The following RBFOX1 variants were observed in gnomAD, a reference collection of about 807,000 sequenced individuals.
RBFOX1 encodes RNA binding fox-1 homolog 1.
A neutral mutation model predicts 57.7 loss-of-function variants in RBFOX1; 8 were observed. The observed-to-expected ratio is 0.14, with a 90% CI of 0.08 to 0.25. The LOEUF is 0.25. Ranked by LOEUF, RBFOX1 falls within the 10% of genes least tolerant of loss-of-function variation. The pLI is 1.00. For missense variants in RBFOX1, 611 were observed against 548.5 expected (o/e 1.11, Z -1.14); for synonymous variants, 326 against 222.4 (o/e 1.47, Z -4.15).
intron 1 of RBFOX1, among the ~76,000 whole-genome samples, chr16:6,058,278 C>T (rs2095639036): frequency 1.3e-5 from 2 of 151,434 alleles, no homozygotes; most frequent in Non-Finnish European, 2.9e-5. Flanking sequence ...CCTTCCTTTC[C>T]TCCTTCTTTC....
chr16:5,538,748 T>G (rs1014522345), intron 2 of RBFOX1, among the ~76,000 whole-genome samples: 4 of 151,914 alleles, frequency 2.6e-5, no homozygotes, highest in African/African-American at 9.7e-5. Context: ...TGCCTTAGAC[T>G]CCCGAGTAGC....
intron 3 of RBFOX1, among the ~76,000 whole-genome samples, chr16:6,973,372 GA>G (rs2086025618): frequency 6.6e-6 from 1 of 152,166 alleles, no homozygotes. Context: ...GCATTTCAGA[GA>G]TAATTCAACT....
intron 3 of RBFOX1, among the ~76,000 whole-genome samples, chr16:6,831,611 C>T (rs1399331394): frequency 6.6e-6 from 1 of 152,164 alleles, no homozygotes; most frequent in East Asian, 1.9e-4. Context: ...AGAGCCAGGG[C>T]TGTGGGAAGT....
intron 4 of RBFOX1, among the ~76,000 whole-genome samples, chr16:7,368,610 C>G (rs1035134468): frequency 6.6e-6 from 1 of 151,604 alleles, no homozygotes; most frequent in Non-Finnish European, 1.5e-5. Flanking sequence ...AACCCCCTGT[C>G]TACTAAAAAT....
At chr16:6,836,255 G>T (rs1335600729) in intron 3 of RBFOX1, among the ~76,000 whole-genome samples, 1 of 152,040 alleles carries the variant, frequency 6.6e-6, no homozygotes, top group African/African-American at 2.4e-5. Context: ...TTCCCATCTG[G>T]CTTCTTAAAA....
chr16:6,190,392 G>A (rs1008948900), intron 1 of RBFOX1, among the ~76,000 whole-genome samples: 5 of 152,216 alleles, frequency 3.3e-5, no homozygotes, highest in African/African-American at 4.8e-5. Flanking sequence ...TGTAGCATCC[G>A]GGGTCCTACA....
chr16:7,464,885 G>C (rs1422765863), intron 4 of RBFOX1, among the ~76,000 whole-genome samples: 1 of 151,604 alleles, frequency 6.6e-6, no homozygotes, highest in East Asian at 1.9e-4. Context: ...TTTTAGTAGA[G>C]ACGGGGTTTC....
At chr16:5,769,121 G>T (rs72766946) in intron 3 of RBFOX1, among the ~76,000 whole-genome samples, 4 of 152,188 alleles carry the variant, frequency 2.6e-5, no homozygotes, top group Non-Finnish European at 5.9e-5. Context: ...GGATATGGAA[G>T]AGAGGTGAGT....
rs59196477 is a variant in RBFOX1, at chr16:5,888,796, TAAAAAAAA to T, written c.351+21480_351+21487del. Among the ~76,000 whole-genome samples, 69 of 99,214 alleles carry T rather than the reference TAAAAAAAA, an allele frequency of 7.0e-4. 1 individual carries two copies. Among genetic ancestry groups the T allele is most frequent in the East Asian group, 8.5e-4 (3 of 3,528 alleles). The allele number at this position is 99,214 out of a possible 152,430, so 65.1% of individuals were successfully genotyped here. On this transcript the variant is annotated intron_variant, in intron 4 of 19. Coordinates refer to the RBFOX1 transcript ENST00000641259. ...TGGGCGACAAGAGCGAAACTCAGTCTAAAAAAAAAAAAAAAAAAAAAAAAAAGTTGTTG... is the reference window on the plus strand; with the variant it reads ...TGGGCGACAAGAGCGAAACTCAGTCTAAAAAAAAAAAAAAAAAAGTTGTTG...
intron 1 of RBFOX1, among the ~76,000 whole-genome samples, chr16:6,156,220 A>G (rs1197552216): frequency 6.6e-6 from 1 of 152,210 alleles, no homozygotes; most frequent in African/African-American, 2.4e-5. Context: ...CACATGAACT[A>G]ATGCAGGAAT....
At chr16:6,788,588 G>C (rs980252587) in intron 3 of RBFOX1, among the ~76,000 whole-genome samples, 1 of 151,836 alleles carries the variant, frequency 6.6e-6, no homozygotes, top group African/African-American at 2.4e-5. Flanking sequence ...CCATTCTCCT[G>C]CCTCAGCCTC....
At chr16:5,740,369 G>C (rs1197341942) in intron 3 of RBFOX1, among the ~76,000 whole-genome samples, 1 of 152,186 alleles carries the variant, frequency 6.6e-6, no homozygotes, top group Non-Finnish European at 1.5e-5. Flanking sequence ...ACAGGGGCTG[G>C]CCACAGTCCC....
intron 2 of RBFOX1, among the ~76,000 whole-genome samples, chr16:6,627,784 G>A (rs774370698): frequency 1.3e-5 from 2 of 152,164 alleles, no homozygotes; most frequent in Non-Finnish European, 2.9e-5. Context: ...GAAGCCAATT[G>A]ATAAAATGCT....
chr16:7,189,764 C>T (rs73546562), intron 4 of RBFOX1, among the ~76,000 whole-genome samples: 4 of 152,208 alleles, frequency 2.6e-5, no homozygotes, highest in African/African-American at 9.6e-5. Flanking sequence ...CAGGCAATCC[C>T]TTCTATAACT....
At chr16:6,818,249 C>G (rs967795610) in intron 3 of RBFOX1, among the ~76,000 whole-genome samples, 1 of 151,954 alleles carries the variant, frequency 6.6e-6, no homozygotes, top group Non-Finnish European at 1.5e-5. Flanking sequence ...CAAGCAGAGG[C>G]TTTAGAAGTA....
chr16:5,865,918 G>C (rs950942250), intron 3 of RBFOX1, among the ~76,000 whole-genome samples: 3 of 151,774 alleles, frequency 2.0e-5, no homozygotes, highest in Non-Finnish European at 4.4e-5. Context: ...GAGAGAGAGG[G>C]AGAGAGGGAG....
intron 13 of RBFOX1, among the ~76,000 whole-genome samples, chr16:7,675,142 GT>G (rs1395788059): frequency 1.3e-5 from 2 of 152,132 alleles, no homozygotes; most frequent in Admixed American, 1.3e-4. Context: ...CTGCACACCT[GT>G]ATCTTTCTGT....
intron 1 of RBFOX1, among the ~76,000 whole-genome samples, chr16:5,393,588 C>A (rs1396247708): frequency 1.3e-5 from 2 of 152,100 alleles, no homozygotes; most frequent in Non-Finnish European, 1.5e-5. Flanking sequence ...ATGGAGCAGA[C>A]CAGGGCCTGG....
At chr16:6,805,968 G>C (rs936665965) in intron 3 of RBFOX1, among the ~76,000 whole-genome samples, 2 of 152,170 alleles carry the variant, frequency 1.3e-5, no homozygotes, top group African/African-American at 4.8e-5. Context: ...GCTGGAAAAG[G>C]AGGAGTTACC....
Sources: gnomAD v4.1 joint callset for allele counts (sites outside exome capture counted in the v4.1 genomes callset) on GRCh38, gnomAD v4.1.1 for gene constraint, MANE v1.5 for transcripts, NCBI Gene and HGNC (gene_info 2026-07-23, HGNC 2026-07-21) for gene names.